Variants in NKAIN3 observed in about 807,000 individuals in gnomAD.
The protein encoded by NKAIN3 is sodium/potassium-transporting ATPase subunit beta-1-interacting protein 3.
In NKAIN3, 25 loss-of-function variants were observed where a neutral mutation model predicts 30.2. The observed-to-expected ratio is 0.83, with a 90% CI of 0.60 to 1.16. The LOEUF (loss-of-function observed/expected upper bound fraction) is 1.16. Among genes scored for constraint, NKAIN3 ranks in the 50% most tolerant of loss-of-function variants. The pLI, the probability that NKAIN3 is intolerant of heterozygous loss-of-function variation, is 0.00. For missense variants in NKAIN3, 225 were observed against 254.1 expected (o/e 0.89, Z 0.78); for synonymous variants, 91 against 89.6 (o/e 1.02, Z -0.09).
At chr8:62,406,381 G>A (rs1804066920) in intron 1 of NKAIN3, among the ~76,000 whole-genome samples, 1 of 152,138 alleles carries the variant, frequency 6.6e-6, no homozygotes, top group South Asian at 2.1e-4. Context: ...ATATGTGAAA[G>A]TTAGATCATG....
intron 4 of NKAIN3, among the ~76,000 whole-genome samples, chr8:62,859,556 TTAAA>T (rs1820178628): frequency 7.6e-6 from 1 of 132,446 alleles, no homozygotes; most frequent in Non-Finnish European, 1.6e-5. Flanking sequence ...TTTAACCAAA[TTAAA>T]TAAATAACAT....
At chr8:62,707,083 A>G (rs1309349967) in intron 3 of NKAIN3, among the ~76,000 whole-genome samples, 3 of 151,424 alleles carry the variant, frequency 2.0e-5, no homozygotes, top group South Asian at 2.1e-4. Flanking sequence ...ACACACACAC[A>G]CACGCACATA....
intron 4 of NKAIN3, among the ~76,000 whole-genome samples, chr8:62,852,441 G>C (rs1371489322): frequency 1.3e-5 from 2 of 151,978 alleles, no homozygotes; most frequent in South Asian, 2.1e-4. Flanking sequence ...GGTTTTTTCT[G>C]TCTCTATTTC....
chr8:62,801,371 A>G (rs200992357), intron 4 of NKAIN3, among the ~76,000 whole-genome samples: 29,307 of 151,910 alleles, frequency 0.19, 3,192 homozygotes, highest in African/African-American at 0.29. Context: ...GCACCCCCCG[A>G]TAGGGGCAGA....
chr8:62,255,948 G>T (rs74617863), intron 1 of NKAIN3, among the ~76,000 whole-genome samples: 329 of 152,302 alleles, frequency 2.2e-3, no homozygotes, highest in African/African-American at 7.5e-3. Flanking sequence ...TTCTGAGGTA[G>T]ATCGAGGTTT....
At chr8:62,594,454 A>C (rs1484144092) in intron 3 of NKAIN3, among the ~76,000 whole-genome samples, 1 of 152,048 alleles carries the variant, frequency 6.6e-6, no homozygotes, top group Non-Finnish European at 1.5e-5. Flanking sequence ...CTAAGATCAA[A>C]ATTCTTGCTC....
chr8:62,865,370 G>A (rs1031452946), intron 4 of NKAIN3, among the ~76,000 whole-genome samples: 1 of 152,152 alleles, frequency 6.6e-6, no homozygotes, highest in African/African-American at 2.4e-5. Flanking sequence ...GGACATAAAC[G>A]GTGACTCTCA....
At chr8:62,813,039 C>T (rs1397710533) in intron 4 of NKAIN3, among the ~76,000 whole-genome samples, 1 of 151,810 alleles carries the variant, frequency 6.6e-6, no homozygotes, top group Middle Eastern at 3.2e-3. Context: ...AATTGAAGGC[C>T]TAAGGCCTCA....
intron 4 of NKAIN3, among the ~76,000 whole-genome samples, chr8:62,834,161 A>C (rs1246554232): frequency 6.6e-6 from 1 of 152,058 alleles, no homozygotes; most frequent in East Asian, 1.9e-4. Flanking sequence ...AATTAGGCTT[A>C]GAAAGAACAT....
At position 62,305,741 on chromosome 8, in the gene NKAIN3, T is replaced by C. The variant is rs1055598031; in HGVS notation, c.54+56614T>C. Among the ~76,000 whole-genome samples the C allele has an allele frequency of 2.7e-5, 4 of 150,600 alleles. No individual in the cohort carries two copies. The South Asian group carries it at 6.2e-4, about 23-fold the overall frequency. ...TGATGGATGGAAAAGAATGGAAGGTTGGTCTCGCTGGCCTTCTCCTTCTGG... is the reference window on the plus strand; with the variant it reads ...TGATGGATGGAAAAGAATGGAAGGTCGGTCTCGCTGGCCTTCTCCTTCTGG... On this transcript the variant is annotated intron_variant, in intron 1 of 6. Coordinates refer to ENST00000623646, the MANE Select transcript of NKAIN3 (RefSeq NM_001304533.3).
chr8:62,378,515 T>G (rs1817168575), intron 1 of NKAIN3, among the ~76,000 whole-genome samples: 1 of 152,104 alleles, frequency 6.6e-6, no homozygotes, highest in Non-Finnish European at 1.5e-5. Context: ...GAGGGAAAAA[T>G]GATTTCCTGG....
chr8:62,793,651 G>T (rs1395254271), intron 4 of NKAIN3, among the ~76,000 whole-genome samples: 1 of 152,164 alleles, frequency 6.6e-6, no homozygotes, highest in Non-Finnish European at 1.5e-5. Context: ...TCCCTCAGAA[G>T]TGATTATGGT....
chr8:62,759,632 G>C (rs1050361171), intron 4 of NKAIN3, among the ~76,000 whole-genome samples: 16 of 152,170 alleles, frequency 1.1e-4, no homozygotes, highest in Non-Finnish European at 4.4e-5. Flanking sequence ...CTCAGATTTT[G>C]AGCCTAGGTG....
intron 1 of NKAIN3, among the ~76,000 whole-genome samples, chr8:62,336,170 A>C (rs780663628): frequency 6.6e-6 from 1 of 152,028 alleles, no homozygotes; most frequent in Non-Finnish European, 1.5e-5. Flanking sequence ...CCTGGGAATG[A>C]GAAACAATTT....
At chr8:62,832,320 CCA>C (rs1819223331) in intron 4 of NKAIN3, among the ~76,000 whole-genome samples, 1 of 147,190 alleles carries the variant, frequency 6.8e-6, no homozygotes, top group Non-Finnish European at 1.5e-5. Context: ...AGTACATATC[CCA>C]CAGACTCTAT....
Position 62,787,410 on chromosome 8 carries a change from A to G in NKAIN3, c.471+40281A>G, listed in dbSNP as rs146607891. ...AAATAAGAGAAAGGCAGAGAAAAAG[A>G]ACAAAACCTCCTGCCCCCAAAATCT... On this transcript the variant is annotated intron_variant, in intron 4 of 6. Transcript: ENST00000623646. Among the ~76,000 whole-genome samples the G allele has an allele frequency of 9.7e-4, 147 of 152,296 alleles. 1 individual carries two copies. The highest frequency in any genetic ancestry group is 3.2e-3 in the African/African-American group (134 of 41,574).
At chr8:62,612,605 A>T (rs1811331020) in intron 3 of NKAIN3, among the ~76,000 whole-genome samples, 1 of 151,328 alleles carries the variant, frequency 6.6e-6, no homozygotes, top group African/African-American at 2.4e-5. Context: ...ATTTACATTC[A>T]ATGTTATTAT....
At chr8:62,989,882 T>C, downstream of NKAIN3, among the ~76,000 whole-genome samples, 1 of 152,152 alleles carries the variant, frequency 6.6e-6, no homozygotes, top group East Asian at 1.9e-4. Flanking sequence ...GCTTTGTAAA[T>C]AGGAATCTAA....
chr8:62,408,514 A>G (rs1042004437), intron 1 of NKAIN3, among the ~76,000 whole-genome samples: 4 of 152,196 alleles, frequency 2.6e-5, no homozygotes, highest in Admixed American at 2.0e-4. Flanking sequence ...CATGTTTCTT[A>G]TAGAGCACTA....
Sources: gnomAD v4.1 joint callset for allele counts (sites outside exome capture counted in the v4.1 genomes callset) on GRCh38, gnomAD v4.1.1 for gene constraint, MANE v1.5 for transcripts, NCBI Gene and HGNC (gene_info 2026-07-23, HGNC 2026-07-21) for gene names.